Variants in POU2F1 observed in about 807,000 individuals in gnomAD.
POU2F1 encodes the protein POU domain, class 2, transcription factor 1.
POU2F1 carries 16 observed loss-of-function variants against 84.9 expected under a neutral mutation model. The observed-to-expected ratio is 0.19, with a 90% CI of 0.13 to 0.29. The LOEUF is 0.29. Ranked by LOEUF, POU2F1 falls within the 10% of genes least tolerant of loss-of-function variation. The pLI, the probability that POU2F1 is intolerant of heterozygous loss-of-function variation, is 1.00. For synonymous variants in POU2F1, 368 were observed against 368.3 expected (o/e 1.00, Z 0.01); for missense variants, 738 against 942.6 (o/e 0.78, Z 2.84).
chr1:167,329,193 A>G, intron 1 of POU2F1: 1 of 1,520,204 alleles, frequency 6.6e-7, no homozygotes, highest in Non-Finnish European at 8.9e-7. Flanking sequence ...TTTGTTAGAA[A>G]TAGTAGTACC....
chr1:167,365,515 G>A lies in POU2F1; in HGVS notation c.176G>A (p.Gly59Glu). The A allele has an allele frequency of 6.2e-7, 1 of 1,603,924 alleles. No homozygotes were observed. Among genetic ancestry groups the A allele is most frequent in the Non-Finnish European group, 8.5e-7 (1 of 1,175,616 alleles). ...LDFQKQPVPV[G>E]GAISTAQAQA... ...TTTCAGAAGCAGCCTGTGCCTGTAG[G>A]AGGAGCAATCTCAACAGCCCAGGCG... The change falls in exon 3 of 16, where the codon GGA becomes GAA. Residue 59 changes from glycine to glutamate, a missense_variant. Coordinates refer to ENST00000367866, the MANE Select transcript of POU2F1 (RefSeq NM_002697.4).
intron 1 of POU2F1, among the ~76,000 whole-genome samples, chr1:167,260,757 CTAT>C (rs765771498): frequency 4.6e-5 from 7 of 152,078 alleles, no homozygotes; most frequent in Admixed American, 2.0e-4. Flanking sequence ...TTGTTTACTA[CTAT>C]GTTATTGCCT....
rs1400379687 is a variant in POU2F1, at chr1:167,389,739, G to A, written c.965G>A (p.Arg322Gln). The change falls in exon 9 of 16, where the codon CGA becomes CAA. Residue 322 changes from arginine to glutamine, a missense_variant. Physicochemically the swap from Arg to Gln is conservative, Grantham distance 43. Coordinates refer to ENST00000367866, the MANE Select transcript of POU2F1 (RefSeq NM_002697.4). Reference sequence around the variant, plus strand: ...TTTGCCAAGACCTTCAAACAAAGACGAATCAAACTTGGATTCACTCAGGTA... The same window carrying A: ...TTTGCCAAGACCTTCAAACAAAGACAAATCAAACTTGGATTCACTCAGGTA... Reference protein sequence around the residue: ...EQFAKTFKQRRIKLGFTQGDV... With the variant: ...EQFAKTFKQRQIKLGFTQGDV... 1 of 1,613,652 alleles carries A rather than the reference G, an allele frequency of 6.2e-7. No homozygotes were observed. The highest frequency in any genetic ancestry group is 8.5e-7 in the Non-Finnish European group (1 of 1,179,828).
chr1:167,355,541 CAG>C (rs1264942628), intron 2 of POU2F1, among the ~76,000 whole-genome samples: 3 of 152,138 alleles, frequency 2.0e-5, no homozygotes, highest in Non-Finnish European at 4.4e-5. Context: ...AAAAAAAAGA[CAG>C]AGAGAAAATA....
chr1:167,388,149 T>C (rs1437723329), intron 8 of POU2F1, among the ~76,000 whole-genome samples: 1 of 152,210 alleles, frequency 6.6e-6, no homozygotes, highest in Non-Finnish European at 1.5e-5. Context: ...TGAGAATAAA[T>C]ATCATTAATA....
intron 13 of POU2F1, among the ~76,000 whole-genome samples, chr1:167,410,330 CAT>C (rs1377392323): frequency 2.6e-5 from 4 of 152,090 alleles, no homozygotes; most frequent in Admixed American, 6.5e-5. Context: ...AACCCTGTGA[CAT>C]GTGATAAAAA....
intron 7 of POU2F1, among the ~76,000 whole-genome samples, chr1:167,378,901 C>A (rs1885933): frequency 6.6e-6 from 1 of 151,310 alleles, no homozygotes; most frequent in Non-Finnish European, 1.5e-5. Flanking sequence ...TACAGGCATG[C>A]GCCACCACAC....
At chr1:167,283,084 A>T (rs1653271273) in intron 1 of POU2F1, among the ~76,000 whole-genome samples, 1 of 152,198 alleles carries the variant, frequency 6.6e-6, no homozygotes, top group African/African-American at 2.4e-5. Flanking sequence ...CATAGGACAG[A>T]TTATTTGATA....
intron 1 of POU2F1, among the ~76,000 whole-genome samples, chr1:167,296,241 C>T (rs1571247534): frequency 6.6e-6 from 1 of 152,070 alleles, no homozygotes; most frequent in South Asian, 2.1e-4. Context: ...TTCTAAGCAA[C>T]CTGAGCTTAG....
chr1:167,389,857 C>A, intron 9 of POU2F1, 96 bp downstream of exon 9: 1 of 1,379,306 alleles, frequency 7.3e-7, no homozygotes. Context: ...GTGGATTCAA[C>A]TAGTCCAAAA....
intron 4 of POU2F1, among the ~76,000 whole-genome samples, chr1:167,371,144 G>A (rs961101246): frequency 1.3e-5 from 2 of 152,078 alleles, no homozygotes; most frequent in South Asian, 2.1e-4. Flanking sequence ...GAGAGGAGGC[G>A]GAAAATTGCC....
At chr1:167,374,469 G>A (rs965371611) in intron 6 of POU2F1, among the ~76,000 whole-genome samples, 173 bp downstream of exon 6, 3 of 152,186 alleles carry the variant, frequency 2.0e-5, no homozygotes, top group African/African-American at 7.2e-5. Flanking sequence ...AATAATGTTT[G>A]TTTGCTTATT....
At chr1:167,405,600 G>C (rs552402417) in intron 13 of POU2F1, among the ~76,000 whole-genome samples, 1 of 151,930 alleles carries the variant, frequency 6.6e-6, no homozygotes, top group African/African-American at 2.4e-5. Context: ...AGGTGGGAGG[G>C]TCACTTGAGC....
chr1:167,265,315 A>G (rs572491558), intron 1 of POU2F1, among the ~76,000 whole-genome samples: 5 of 152,344 alleles, frequency 3.3e-5, no homozygotes, highest in Admixed American at 3.3e-4. Flanking sequence ...TAGAGATAGA[A>G]TTAACAGGAC....
At chr1:167,291,176 A>G (rs1450851626) in intron 1 of POU2F1, among the ~76,000 whole-genome samples, 1 of 152,182 alleles carries the variant, frequency 6.6e-6, no homozygotes, top group Admixed American at 6.5e-5. Flanking sequence ...CAGCTTTGCT[A>G]TTCATTCAGT....
intron 7 of POU2F1, among the ~76,000 whole-genome samples, chr1:167,382,032 A>G (rs1159040608): frequency 6.6e-6 from 1 of 152,160 alleles, no homozygotes; most frequent in Non-Finnish European, 1.5e-5. Context: ...TTTTCAAACC[A>G]GTAAAGTTTG....
intron 1 of POU2F1, among the ~76,000 whole-genome samples, chr1:167,257,527 A>T (rs186441445): frequency 6.6e-6 from 1 of 152,338 alleles, no homozygotes; most frequent in Non-Finnish European, 1.5e-5. Flanking sequence ...AGTAGCTTCA[A>T]ATCTAAAGAA....
At chr1:167,313,040 A>G (rs1243914112) in intron 1 of POU2F1, among the ~76,000 whole-genome samples, 1 of 152,202 alleles carries the variant, frequency 6.6e-6, no homozygotes, top group Non-Finnish European at 1.5e-5. Context: ...CACAGTGATG[A>G]AACCACCAAA....
At chr1:167,384,577 T>C (rs1647818874) in intron 8 of POU2F1, among the ~76,000 whole-genome samples, 1 of 152,082 alleles carries the variant, frequency 6.6e-6, no homozygotes, top group Non-Finnish European at 1.5e-5. Context: ...TCTGACTTTC[T>C]TTGTCTGCAG....
Sources: allele counts gnomAD v4.1 joint callset (sites outside exome capture counted in the v4.1 genomes callset), GRCh38; gene constraint gnomAD v4.1.1; transcripts MANE v1.5; gene names NCBI Gene and HGNC (gene_info 2026-07-23, HGNC 2026-07-21).